Variants in PLEKHG1 observed in about 807,000 individuals in gnomAD.
PLEKHG1 encodes the protein pleckstrin homology and RhoGEF domain containing G1.
PLEKHG1 carries 44 observed loss-of-function variants against 100.8 expected under a neutral mutation model. That is an observed-to-expected ratio of 0.44 (90% CI 0.34 to 0.56). The LOEUF is 0.56. Ranked by LOEUF, PLEKHG1 falls within the 20% of genes least tolerant of loss-of-function variation. The pLI, the probability that PLEKHG1 is intolerant of heterozygous loss-of-function variation, is 0.01. For missense variants in PLEKHG1, 1,545 were observed against 1,720.9 expected, an observed-to-expected ratio of 0.90 and a Z score of 1.81; for synonymous variants, 640 against 662.5, an observed-to-expected ratio of 0.97 and a Z score of 0.52.
intron 10 of PLEKHG1, among the ~76,000 whole-genome samples, chr6:150,811,161 G>T (rs913129648): frequency 6.6e-6 from 1 of 152,136 alleles, no homozygotes; most frequent in Non-Finnish European, 1.5e-5. Context: ...TGCCAACCAT[G>T]AAGACATAAC....
chr6:150,711,026 G>C (rs186801036), intron 3 of PLEKHG1, among the ~76,000 whole-genome samples: 3 of 152,170 alleles, frequency 2.0e-5, no homozygotes, highest in African/African-American at 7.2e-5. Context: ...AGGACGCAGC[G>C]ATGTTGATGT....
At chr6:150,787,429 T>C (rs1250722796) in intron 4 of PLEKHG1, among the ~76,000 whole-genome samples, 1 of 152,226 alleles carries the variant, frequency 6.6e-6, no homozygotes, top group East Asian at 1.9e-4. Context: ...CTGCCTAGTA[T>C]ATAGAGATTT....
chr6:150,801,010 C>A, intron 6 of PLEKHG1, 141 bp downstream of exon 7: 1 of 684,198 alleles, frequency 1.5e-6, no homozygotes, highest in Non-Finnish European at 2.5e-6. Flanking sequence ...GACTAATCTG[C>A]TTTGAGGATT....
chr6:150,628,527 A>ACACAC (rs1358863303), intron 1 of PLEKHG1, among the ~76,000 whole-genome samples: 26 of 94,760 alleles, frequency 2.7e-4, no homozygotes, highest in Non-Finnish European at 6.3e-5. Flanking sequence ...TAGATAGGAA[A>ACACAC]ACACACACAC....
chr6:150,655,770 C>A (rs1254465166), intron 3 of PLEKHG1, among the ~76,000 whole-genome samples: 6 of 150,716 alleles, frequency 4.0e-5, no homozygotes, highest in Non-Finnish European at 3.0e-5. Flanking sequence ...ACTATGCAGC[C>A]ATAAGAAAGG....
chr6:150,785,252 A>G (rs1785552574), intron 3 of PLEKHG1, among the ~76,000 whole-genome samples: 1 of 152,262 alleles, frequency 6.6e-6, no homozygotes, highest in African/African-American at 2.4e-5. Flanking sequence ...TCTGAAAACC[A>G]GAAACTGCTT....
At chr6:150,685,420 G>C (rs772100876) in intron 3 of PLEKHG1, among the ~76,000 whole-genome samples, 2 of 152,168 alleles carry the variant, frequency 1.3e-5, no homozygotes, top group Non-Finnish European at 2.9e-5. Flanking sequence ...GCTTCCCGTG[G>C]AAAAGAGGAA....
upstream of PLEKHG1, among the ~76,000 whole-genome samples, chr6:150,717,855 C>T (rs1781500802): frequency 6.6e-6 from 1 of 152,216 alleles, no homozygotes; most frequent in African/African-American, 2.4e-5. Flanking sequence ...GAGGGCAGAT[C>T]ACCTGAGATC....
At chr6:150,646,085 A>G (rs1015700657) in intron 2 of PLEKHG1, among the ~76,000 whole-genome samples, 1 of 152,254 alleles carries the variant, frequency 6.6e-6, no homozygotes, top group Non-Finnish European at 1.5e-5. Context: ...TGACACGGGT[A>G]TATCTCACAC....
intron 2 of PLEKHG1, among the ~76,000 whole-genome samples, chr6:150,751,698 G>A (rs1195153589): frequency 2.6e-5 from 4 of 152,186 alleles, no homozygotes; most frequent in Admixed American, 2.6e-4. Context: ...GGAGGTGGAT[G>A]TGACAGCACC....
chr6:150,805,735 C>G (rs1787045444), intron 7 of PLEKHG1, among the ~76,000 whole-genome samples: 1 of 152,074 alleles, frequency 6.6e-6, no homozygotes, highest in African/African-American at 2.4e-5. Flanking sequence ...CCAGGTTGGC[C>G]AGGCTTGTCT....
At chr6:150,654,077 G>T (rs1015471863) in intron 3 of PLEKHG1, among the ~76,000 whole-genome samples, 1 of 152,118 alleles carries the variant, frequency 6.6e-6, no homozygotes, top group Non-Finnish European at 1.5e-5. Flanking sequence ...CTTGTCCAGG[G>T]TTTCACCTAC....
At chr6:150,762,508 CT>C (rs1346527006) in intron 2 of PLEKHG1, among the ~76,000 whole-genome samples, 1 of 152,000 alleles carries the variant, frequency 6.6e-6, no homozygotes, top group African/African-American at 2.4e-5. Context: ...CCAACCCTCT[CT>C]TTTTCTTTCT....
chr6:150,666,921 C>T (rs551342059), intron 3 of PLEKHG1, among the ~76,000 whole-genome samples: 4 of 152,166 alleles, frequency 2.6e-5, no homozygotes, highest in Admixed American at 6.5e-5. Flanking sequence ...CCACCACACC[C>T]GGCTAATTTT....
intron 2 of PLEKHG1, among the ~76,000 whole-genome samples, chr6:150,646,086 T>C (rs1462878804): frequency 6.6e-6 from 1 of 152,238 alleles, no homozygotes; most frequent in Non-Finnish European, 1.5e-5. Context: ...GACACGGGTA[T>C]ATCTCACACA....
At chr6:150,767,565 T>C (rs1451183652) in intron 2 of PLEKHG1, among the ~76,000 whole-genome samples, 2 of 152,184 alleles carry the variant, frequency 1.3e-5, no homozygotes, top group African/African-American at 2.4e-5. Context: ...CTAAAGAACA[T>C]GAGAGAATGA....
chr6:150,674,449 T>G (rs1032700379), intron 3 of PLEKHG1, among the ~76,000 whole-genome samples: 3 of 152,180 alleles, frequency 2.0e-5, no homozygotes, highest in Non-Finnish European at 4.4e-5. Flanking sequence ...AGAATTAACC[T>G]GCAATCAGGA....
chr6:150,807,267 G>C (rs1380373239), intron 7 of PLEKHG1, among the ~76,000 whole-genome samples: 4 of 152,186 alleles, frequency 2.6e-5, no homozygotes, highest in Non-Finnish European at 5.9e-5. Flanking sequence ...CCCAGTTCCG[G>C]TAATCCACTG....
chr6:150,794,782 C>T (rs7740718), intron 4 of PLEKHG1, among the ~76,000 whole-genome samples: 6,247 of 151,826 alleles, frequency 0.041, 426 homozygotes, highest in African/African-American at 0.14. Context: ...GGGGCAGAGA[C>T]GAGGAGTTAA....
Sources: gnomAD v4.1 joint callset for allele counts (sites outside exome capture counted in the v4.1 genomes callset) on GRCh38, gnomAD v4.1.1 for gene constraint, MANE v1.5 for transcripts, NCBI Gene and HGNC (gene_info 2026-07-23, HGNC 2026-07-21) for gene names.